HMCN1: variants seen among roughly 807,000 people sequenced by gnomAD.
HMCN1 encodes the protein hemicentin 1.
In HMCN1, 321 loss-of-function variants were observed where a neutral mutation model predicts 625.9. The observed-to-expected ratio is 0.51, with a 90% CI of 0.47 to 0.56. The LOEUF is 0.56. Among genes scored for constraint, HMCN1 ranks in the 20% least tolerant of loss-of-function variants. HMCN1 has a pLI of 0.00. For missense variants in HMCN1, 6,588 were observed against 6,887.3 expected (o/e 0.96, Z 1.54); for synonymous variants, 2,425 against 2,417.6 (o/e 1.00, Z -0.09).
intron 1 of HMCN1, among the ~76,000 whole-genome samples, chr1:185,781,657 T>G (rs1259532643): frequency 6.6e-6 from 1 of 152,222 alleles, no homozygotes; most frequent in Non-Finnish European, 1.5e-5. Flanking sequence ...GTTGAGCCAT[T>G]TTGAGTGAGT....
intron 1 of HMCN1, among the ~76,000 whole-genome samples, chr1:185,823,681 T>C (rs1388396143): frequency 6.6e-6 from 1 of 152,152 alleles, no homozygotes; most frequent in Non-Finnish European, 1.5e-5. Context: ...AAGATAGACA[T>C]GAAATACAAT....
intron 2 of HMCN1, among the ~76,000 whole-genome samples, chr1:185,860,600 A>AT (rs1662809823): frequency 6.6e-6 from 1 of 152,160 alleles, no homozygotes; most frequent in South Asian, 2.1e-4. Flanking sequence ...ATGCGCTACC[A>AT]TGCCTGGCTT....
At chr1:186,063,066 G>GTGTGTATATATATATATA (rs1491400415) in intron 48 of HMCN1, among the ~76,000 whole-genome samples, 2 of 29,940 alleles carry the variant, frequency 6.7e-5, no homozygotes, top group African/African-American at 1.8e-4. Context: ...GTGTGTGTGT[G>GTGTGTATATATATATATA]CATATATATA....
chr1:186,154,135 A>G (rs1049906779), intron 97 of HMCN1, 148 bp downstream of exon 97: 7 of 697,676 alleles, frequency 1.0e-5, no homozygotes, highest in South Asian at 1.7e-5. Flanking sequence ...GTAAAGCCCT[A>G]TGGAAAAGCC....
At chr1:185,889,437 G>A (rs1422117389) in intron 4 of HMCN1, among the ~76,000 whole-genome samples, 2 of 146,936 alleles carry the variant, frequency 1.4e-5, no homozygotes, top group South Asian at 2.1e-4. Flanking sequence ...TATGATACTG[G>A]CTGTGGGTTT....
chr1:185,900,426 G>C (rs1201990043), intron 4 of HMCN1, among the ~76,000 whole-genome samples: 1 of 151,798 alleles, frequency 6.6e-6, no homozygotes, highest in African/African-American at 2.4e-5. Flanking sequence ...GAGGGGATCT[G>C]GAAAGAGTTA....
intron 89 of HMCN1, among the ~76,000 whole-genome samples, chr1:186,142,475 C>A (rs904081277): frequency 6.6e-6 from 1 of 152,134 alleles, no homozygotes; most frequent in African/African-American, 2.4e-5. Context: ...CACACAGGTG[C>A]ATATGTCTTT....
chr1:186,106,998 T>C, intron 70 of HMCN1, 33 bp downstream of exon 70: 3 of 1,256,616 alleles, frequency 2.4e-6, no homozygotes, highest in Middle Eastern at 1.8e-4. Flanking sequence ...CAGTCTATCA[T>C]ACACACACCT....
chr1:185,910,882 TATATA>T (rs1558058871), intron 5 of HMCN1, among the ~76,000 whole-genome samples: 1 of 152,124 alleles, frequency 6.6e-6, no homozygotes, highest in African/African-American at 2.4e-5. Flanking sequence ...CTTATTTCTT[TATATA>T]ACTGGAGAAG....
chr1:185,934,979 C>T (rs1571581668), intron 11 of HMCN1, among the ~76,000 whole-genome samples: 1 of 152,070 alleles, frequency 6.6e-6, no homozygotes, highest in South Asian at 2.1e-4. Flanking sequence ...TCTGGGGAGT[C>T]GTCTAGGGAA....
chr1:185,943,558 G>A (rs145054590), intron 11 of HMCN1, among the ~76,000 whole-genome samples: 26 of 152,248 alleles, frequency 1.7e-4, no homozygotes, highest in African/African-American at 6.3e-4. Context: ...TGGAAGTCGT[G>A]CATTGTACAA....
At chr1:185,756,487 A>AG (rs1023163571) in intron 1 of HMCN1, among the ~76,000 whole-genome samples, 13 of 152,042 alleles carry the variant, frequency 8.6e-5, no homozygotes, top group African/African-American at 2.9e-4. Context: ...GTAAAAAAAA[A>AG]AAAAAGAAAA....
chr1:185,864,394 A>G (rs2102355260), intron 2 of HMCN1, 76 bp from the exon 3 acceptor site: 2 of 1,431,030 alleles, frequency 1.4e-6, no homozygotes, highest in Non-Finnish European at 2.0e-6. Flanking sequence ...TAAAACTCCC[A>G]AAGCACCTTG....
chr1:186,061,750 A>G, intron 46 of HMCN1, 101 bp from the exon 47 acceptor site: 2 of 706,368 alleles, frequency 2.8e-6, no homozygotes, highest in Non-Finnish European at 4.9e-6. Context: ...CCTCTAAAGC[A>G]TACTGATTAA....
chr1:186,186,211 A>G (rs1558291306), intron 105 of HMCN1, among the ~76,000 whole-genome samples: 1 of 152,204 alleles, frequency 6.6e-6, no homozygotes, highest in Non-Finnish European at 1.5e-5. Flanking sequence ...TTTTCTGTTC[A>G]AACAAAAATG....
rs574155518 is a variant in HMCN1, at chr1:185,793,991, T to G, written c.269-52035T>G. 1.3e-3 allele frequency among the ~76,000 whole-genome samples: 204 copies of G among 152,326 alleles called. 1 individual carries two copies. Among genetic ancestry groups the G allele is most frequent in the African/African-American group, 4.7e-3 (195 of 41,570 alleles). On this transcript the variant is annotated intron_variant, in intron 1 of 106. Coordinates refer to ENST00000271588, the MANE Select transcript of HMCN1 (RefSeq NM_031935.3). ...ATATGTTATTCCCATGTATTCCAAA[T>G]GCTAATAATTTCTGACTTTAATGGC...
chr1:186,153,708 T>G (rs773721019), intron 96 of HMCN1, 42 bp from the exon 97 acceptor site: 1 of 1,540,266 alleles, frequency 6.5e-7, no homozygotes. Flanking sequence ...AAAAAATTAG[T>G]ATGAGCCATA....
In HMCN1 at chr1:185,909,382, C is replaced by G. The variant is rs572742171; in HGVS notation, c.667C>G (p.Leu223Val). The G allele has an allele frequency of 1.2e-6, 2 of 1,613,110 alleles. No homozygotes were observed. Among genetic ancestry groups the G allele is most frequent in the African/African-American group, 2.7e-5 (2 of 74,884 alleles). Residue 223 changes from leucine (L) to valine (V), a missense_variant, in exon 5 of 107, where the codon CTT becomes GTT. Physicochemically the swap from Leu to Val is conservative, Grantham distance 32. Transcript: ENST00000271588. ...EEAVQASKVH[L>V]LSTDHLEQAV... is the part of the protein sequence containing the mutation. ...AGCAGTACAGGCCTCCAAAGTTCAC[C>G]TTTTATCCACAGATCATTTGGAACA...
chr1:186,033,836 G>A (rs1655644505), intron 36 of HMCN1, among the ~76,000 whole-genome samples: 1 of 151,536 alleles, frequency 6.6e-6, no homozygotes. Flanking sequence ...AACATAATTT[G>A]GCAACTCTGG....
Sources: allele counts gnomAD v4.1 joint callset (sites outside exome capture counted in the v4.1 genomes callset), GRCh38; gene constraint gnomAD v4.1.1; transcripts MANE v1.5; gene names NCBI Gene and HGNC (gene_info 2026-07-23, HGNC 2026-07-21).